The following EYA1 variants were observed in gnomAD, a reference collection of about 807,000 sequenced individuals.
EYA1 encodes EYA transcriptional coactivator and phosphatase 1.
In EYA1, 16 loss-of-function variants were observed where a neutral mutation model predicts 82.0. That is an observed-to-expected ratio of 0.20 (90% CI 0.13 to 0.30). EYA1 has a LOEUF of 0.30. Ranked by LOEUF, EYA1 falls within the 10% of genes least tolerant of loss-of-function variation. The pLI, the probability that EYA1 is intolerant of heterozygous loss-of-function variation, is 1.00. For synonymous variants in EYA1, 261 were observed against 264.4 expected (o/e 0.99, Z 0.12); for missense variants, 633 against 730.7 (o/e 0.87, Z 1.54).
chr8:71,474,019 G>C (rs758548816), intron 2 of EYA1, among the ~76,000 whole-genome samples: 10 of 151,952 alleles, frequency 6.6e-5, no homozygotes, highest in Non-Finnish European at 1.2e-4. Context: ...TGGACACAGG[G>C]AGGGGAACAT....
intron 1 of EYA1, among the ~76,000 whole-genome samples, chr8:71,360,317 A>C (rs1375448960): frequency 6.6e-6 from 1 of 152,236 alleles, no homozygotes; most frequent in African/African-American, 2.4e-5. Flanking sequence ...AATACTTTTG[A>C]TATTTGATAA....
chr8:71,429,217 T>G (rs1441151966), intron 2 of EYA1, among the ~76,000 whole-genome samples: 1 of 152,192 alleles, frequency 6.6e-6, no homozygotes, highest in Non-Finnish European at 1.5e-5. Flanking sequence ...GATACTTACT[T>G]CATTGAAGGA....
At chr8:71,436,962 T>G (rs975380270) in intron 2 of EYA1, among the ~76,000 whole-genome samples, 5 of 151,836 alleles carry the variant, frequency 3.3e-5, no homozygotes, top group Non-Finnish European at 5.9e-5. Context: ...GACATTTATA[T>G]TTCATCTTTA....
chr8:71,243,297 C>A (rs1812708841), intron 12 of EYA1, among the ~76,000 whole-genome samples: 1 of 151,962 alleles, frequency 6.6e-6, no homozygotes, highest in African/African-American at 2.4e-5. Context: ...TTTTGTGCTG[C>A]TCTCTAAGTG....
intron 2 of EYA1, among the ~76,000 whole-genome samples, chr8:71,378,335 C>G (rs1000062265): frequency 5.3e-5 from 8 of 152,066 alleles, no homozygotes; most frequent in Non-Finnish European, 1.0e-4. Flanking sequence ...GCACTGATTG[C>G]TAGAAATGGA....
At chr8:71,260,464 T>C (rs1413943480) in intron 11 of EYA1, among the ~76,000 whole-genome samples, 2 of 152,228 alleles carry the variant, frequency 1.3e-5, no homozygotes, top group African/African-American at 2.4e-5. Context: ...TCTGAATATG[T>C]ACCTACTTAT....
chr8:71,437,326 T>C (rs1265646662), intron 2 of EYA1, among the ~76,000 whole-genome samples: 1 of 151,976 alleles, frequency 6.6e-6, no homozygotes, highest in Non-Finnish European at 1.5e-5. Flanking sequence ...TTATCTTGTC[T>C]GCTGAAAAAT....
At chr8:71,482,954 G>T (rs1367712595) in intron 2 of EYA1, among the ~76,000 whole-genome samples, 1 of 152,142 alleles carries the variant, frequency 6.6e-6, no homozygotes, top group African/African-American at 2.4e-5. Flanking sequence ...GGTTACAGGG[G>T]TGTCTACATA....
chr8:71,315,710 C>T (rs1370658569), intron 7 of EYA1, among the ~76,000 whole-genome samples: 1 of 152,144 alleles, frequency 6.6e-6, no homozygotes, highest in African/African-American at 2.4e-5. Flanking sequence ...ACTTTTTGTT[C>T]TTTATATTCC....
chr8:71,334,577 G>A (rs1355427284), intron 3 of EYA1, among the ~76,000 whole-genome samples: 2 of 152,122 alleles, frequency 1.3e-5, no homozygotes, highest in Non-Finnish European at 2.9e-5. Context: ...GGGGAAGCAG[G>A]AAGTAAGTGG....
intron 7 of EYA1, among the ~76,000 whole-genome samples, chr8:71,313,097 C>T (rs1429065137): frequency 6.6e-6 from 1 of 152,158 alleles, no homozygotes; most frequent in Non-Finnish European, 1.5e-5. Context: ...GCCAGCGGCT[C>T]TTCCTTGCTT....
intron 2 of EYA1, among the ~76,000 whole-genome samples, chr8:71,399,590 G>C (rs1829834737): frequency 6.6e-6 from 1 of 152,166 alleles, no homozygotes; most frequent in South Asian, 2.1e-4. Context: ...AACAAAGGAA[G>C]TGAAGGACCT....
intron 9 of EYA1, among the ~76,000 whole-genome samples, chr8:71,291,935 A>T (rs1393636075): frequency 6.6e-6 from 1 of 152,134 alleles, no homozygotes; most frequent in Non-Finnish European, 1.5e-5. Flanking sequence ...AAATTATGAG[A>T]TATTCTAAGA....
intron 2 of EYA1, among the ~76,000 whole-genome samples, chr8:71,376,726 T>C (rs1049579337): frequency 3.9e-5 from 6 of 152,196 alleles, no homozygotes; most frequent in Non-Finnish European, 8.8e-5. Flanking sequence ...GAAACACCAG[T>C]GATTTGACTG....
intron 2 of EYA1, among the ~76,000 whole-genome samples, chr8:71,492,313 T>G (rs1811060916): frequency 6.6e-6 from 1 of 152,192 alleles, no homozygotes; most frequent in African/African-American, 2.4e-5. Flanking sequence ...TTTTGAAAAC[T>G]ATCTTAACAG....
chr8:71,277,140 T>C (rs1014340116), intron 9 of EYA1, among the ~76,000 whole-genome samples: 40 of 141,644 alleles, frequency 2.8e-4, no homozygotes, highest in Non-Finnish European at 4.8e-4. Flanking sequence ...TTTTTTTTTT[T>C]TTTTTTTTAG....
At chr8:71,266,591 G>A (rs970697022) in intron 11 of EYA1, among the ~76,000 whole-genome samples, 2 of 152,208 alleles carry the variant, frequency 1.3e-5, no homozygotes, top group African/African-American at 4.8e-5. Flanking sequence ...CTGACCGCAA[G>A]TGTTCAGTAC....
intron 12 of EYA1, among the ~76,000 whole-genome samples, chr8:71,239,995 A>T (rs1405773553): frequency 6.6e-6 from 1 of 152,232 alleles, no homozygotes; most frequent in Non-Finnish European, 1.5e-5. Context: ...TTTTACAGAA[A>T]GAATTTTTTC....
intron 2 of EYA1, among the ~76,000 whole-genome samples, chr8:71,480,466 C>T (rs1281750243): frequency 3.9e-5 from 6 of 151,986 alleles, no homozygotes; most frequent in South Asian, 2.1e-4. Flanking sequence ...CTTGTACACA[C>T]GCATTGTCTT....
Sources: gnomAD v4.1 joint callset for allele counts (sites outside exome capture counted in the v4.1 genomes callset) on GRCh38, gnomAD v4.1.1 for gene constraint, MANE v1.5 for transcripts, NCBI Gene and HGNC (gene_info 2026-07-23, HGNC 2026-07-21) for gene names.